Variants in ITGA6 observed in about 807,000 individuals in gnomAD.
The protein encoded by ITGA6 is integrin subunit alpha 6.
In ITGA6, 63 loss-of-function variants were observed where a neutral mutation model predicts 133.6. That is an observed-to-expected ratio of 0.47 (90% confidence interval 0.38 to 0.58). The LOEUF is 0.58. Among genes scored for constraint, ITGA6 ranks in the 20% least tolerant of loss-of-function variants. The pLI is 0.00. For synonymous variants in ITGA6, 434 were observed against 482.0 expected, an observed-to-expected ratio of 0.90 and a Z score of 1.30; for missense variants, 1,068 against 1,309.4, an observed-to-expected ratio of 0.82 and a Z score of 2.85.
Position 172,491,540 on chromosome 2 carries a change from C to T in ITGA6, c.2988+17C>T. 1 of 1,539,956 alleles carries T rather than the reference C, an allele frequency of 6.5e-7. No homozygotes were observed. The highest frequency in any genetic ancestry group is 9.0e-7 in the Non-Finnish European group (1 of 1,113,396). On this transcript the variant is annotated intron_variant, in intron 23 of 25. Coordinates refer to ENST00000684293, the MANE Select transcript of ITGA6 (RefSeq NM_000210.4). This position sits in a 1 kb window ranked among gnomAD's most constrained non-coding sequence, Gnocchi z 4.4. Reference sequence around the variant, plus strand: ...GGCACTCAGGTGAGAGGTTCCCCAGCTTCATTCAGGTTCAGAACATGTCTC... The same window carrying T: ...GGCACTCAGGTGAGAGGTTCCCCAGTTTCATTCAGGTTCAGAACATGTCTC...
intron 19 of ITGA6, 29 bp from the exon 20 acceptor site, chr2:172,489,456 C>T (rs1309164032): frequency 6.5e-7 from 1 of 1,538,884 alleles, no homozygotes; most frequent in Non-Finnish European, 9.0e-7. Context: ...GAAGATTAGA[C>T]TGAGATAATA....
At position 172,485,124 on chromosome 2, in the gene ITGA6, A is replaced by G. The variant is rs1389261715; in HGVS notation, c.1714A>G (p.Asn572Asp). ...TGACTGCATGCTTTTCATGCAGGAT[A>G]ATATCAGAGATAAACTGCGTCCCAT... ...CMEETLWLQD[N>D]IRDKLRPIPI... Residue 572 changes from asparagine to aspartate, a missense_variant, in exon 13 of 26, where the codon AAT (asparagine) becomes GAT (aspartate). This residue lies in a region of ITGA6 where 609 missense variants were observed against 707.2 expected (regional missense o/e 0.86). Transcript: ENST00000684293. 1 of 1,614,026 alleles carries G rather than the reference A, an allele frequency of 6.2e-7. No individual in the cohort carries two copies. Among genetic ancestry groups the G allele is most frequent in the African/African-American group, 1.3e-5 (1 of 75,056 alleles).
intron 1 of ITGA6, 30 bp downstream of exon 1, chr2:172,428,000 TG>T (rs1559107407): frequency 6.3e-7 from 1 of 1,578,862 alleles, no homozygotes; most frequent in South Asian, 1.1e-5. Context: ...CCACCCCCAC[TG>T]GGGCGCCGGC....
At position 172,469,361 on chromosome 2, in the gene ITGA6, G is replaced by A. The variant is rs1685817276; in HGVS notation, c.624G>A (p.Pro208=). 9 of 1,613,810 alleles carry A rather than the reference G, an allele frequency of 5.6e-6. No homozygotes were observed. Among genetic ancestry groups the A allele is most frequent in the Non-Finnish European group, 5.9e-6 (7 of 1,179,792 alleles). The part of the protein sequence containing the change: ...KDFHYIVFGA[P]GTYNWKGIVR... Reference sequence around the variant, plus strand: ...TTCATTACATTGTATTTGGAGCCCCGGGTACTTATAACTGGAAAGGTATGA... The same window carrying A: ...TTCATTACATTGTATTTGGAGCCCCAGGTACTTATAACTGGAAAGGTATGA... The change falls in exon 4 of 26, where the codon CCG becomes CCA. Residue 208 remains proline (P), a synonymous_variant. Coordinates refer to ENST00000684293, the MANE Select transcript of ITGA6 (RefSeq NM_000210.4).
chr2:172,476,406 T>C lies in ITGA6; in HGVS notation c.1281T>C (p.Gly427=). ...INTKPTQVLK[G]ISPYFGYSIA... is the part of the protein sequence containing the mutation. ...CCTGTGTATTTCAGGTTCTCAAGGG[T>C]ATATCACCTTATTTTGGATATTCAA... Residue 427 remains glycine (G), a synonymous_variant, in exon 9 of 26, where the codon GGT becomes GGC. Transcript: ENST00000684293. 6 of 1,586,616 alleles carry C rather than the reference T, an allele frequency of 3.8e-6. No homozygotes were observed. Among genetic ancestry groups the C allele is most frequent in the Admixed American group, 1.7e-5 (1 of 60,004 alleles).
Position 172,475,205 on chromosome 2 carries a change from C to T in ITGA6, c.1180+83C>T, listed in dbSNP as rs564464621. The T allele has an allele frequency of 1.1e-4, 106 of 967,080 alleles. No individual in the cohort carries two copies. In the Middle Eastern group the frequency reaches 2.5e-3, roughly 23 times the overall value. 59.9% of individuals were successfully genotyped at this position (967,080 alleles called of 1,614,324 possible). Reference sequence around the variant, plus strand: ...TAGCGCTGCTGGGCACAGTGGCTCACGCCTGTAATCCCAGCACTTTGGGAG... The same window carrying T: ...TAGCGCTGCTGGGCACAGTGGCTCATGCCTGTAATCCCAGCACTTTGGGAG... On this transcript the variant is annotated intron_variant, in intron 7 of 25. Coordinates refer to ENST00000684293, the MANE Select transcript of ITGA6 (RefSeq NM_000210.4).
intron 5 of ITGA6, among the ~76,000 whole-genome samples, chr2:172,473,436 CT>C (rs751448720): frequency 1.3e-5 from 2 of 152,166 alleles, no homozygotes; most frequent in African/African-American, 4.8e-5. Flanking sequence ...ATTGTTTTGT[CT>C]GCATGTTTGT....
chr2:172,503,137 G>A (rs16860632), intron 25 of ITGA6, among the ~76,000 whole-genome samples: 2,286 of 151,838 alleles, frequency 0.015, 48 homozygotes, highest in African/African-American at 0.051. Context: ...TACTATTGAC[G>A]TCACACAATA....
chr2:172,430,095 C>T (rs1047419528), intron 1 of ITGA6, among the ~76,000 whole-genome samples: 7 of 152,204 alleles, frequency 4.6e-5, no homozygotes, highest in African/African-American at 7.2e-5. Context: ...GATTCCTTCT[C>T]GGCCTTTTAT....
chr2:172,477,400 A>G (rs552417018), intron 9 of ITGA6, among the ~76,000 whole-genome samples: 1 of 152,140 alleles, frequency 6.6e-6, no homozygotes, highest in Non-Finnish European at 1.5e-5. Flanking sequence ...TATTTTTTTT[A>G]AAGTTAATAA....
At chr2:172,494,408 T>A (rs548084737) in intron 23 of ITGA6, among the ~76,000 whole-genome samples, 1 of 152,282 alleles carries the variant, frequency 6.6e-6, no homozygotes, top group Admixed American at 6.5e-5. Context: ...CCTGGGAGGC[T>A]GAGCTGAGAG....
At chr2:172,435,059 T>TGTGTG (rs1684260772) in intron 1 of ITGA6, among the ~76,000 whole-genome samples, 1 of 136,734 alleles carries the variant, frequency 7.3e-6, no homozygotes, top group East Asian at 2.0e-4. Context: ...TGTGTGTGTG[T>TGTGTG]ATGATGCAAA....
chr2:172,427,550 G>C (rs1229960931), upstream of ITGA6: 4 of 1,193,994 alleles, frequency 3.4e-6, no homozygotes, highest in Admixed American at 4.6e-5. Flanking sequence ...CGGCGTCCTC[G>C]TCACTTGATA....
chr2:172,470,158 C>G (rs1685858847), intron 4 of ITGA6, among the ~76,000 whole-genome samples: 1 of 152,064 alleles, frequency 6.6e-6, no homozygotes, highest in East Asian at 1.9e-4. Flanking sequence ...AAAATGGTCC[C>G]TTTTCCATTC....
chr2:172,504,203 A>C lies in ITGA6; in HGVS notation c.*135A>C. On this transcript the variant is annotated 3_prime_UTR_variant, in exon 26 of 26. Coordinates refer to ENST00000684293, the MANE Select transcript of ITGA6 (RefSeq NM_000210.4). ...GATGAAAAGTATATTGATAACCTTG[A>C]AAAAAAACAGTGGATCACAAAGTGG... 6.3e-7 allele frequency: 1 copy of C among 1,586,390 alleles called. No homozygotes were observed. The highest frequency in any genetic ancestry group is 8.6e-7 in the Non-Finnish European group (1 of 1,165,292).
chr2:172,468,976 T>G, intron 3 of ITGA6, 149 bp from the exon 4 acceptor site: 4 of 793,290 alleles, frequency 5.0e-6, no homozygotes, highest in Non-Finnish European at 8.5e-6. Context: ...GGGGAATATT[T>G]GCTGGTCTGG....
At chr2:172,476,365 A>G (rs1559141222) in intron 8 of ITGA6, 30 bp from the exon 9 acceptor site, 4 of 1,127,330 alleles carry the variant, frequency 3.5e-6, no homozygotes, top group Non-Finnish European at 4.1e-6. Context: ...TGATAACCTA[A>G]TGTCCATTCG....
chr2:172,494,867 G>A (rs769984144), intron 23 of ITGA6, among the ~76,000 whole-genome samples: 7 of 152,136 alleles, frequency 4.6e-5, no homozygotes, highest in Admixed American at 1.3e-4. Context: ...CAAGCTTCCT[G>A]GCTGTCAAAA....
intron 23 of ITGA6, among the ~76,000 whole-genome samples, chr2:172,496,707 C>A (rs546725213): frequency 6.6e-6 from 1 of 152,280 alleles, no homozygotes; most frequent in South Asian, 2.1e-4. Flanking sequence ...ACCAGTGGAT[C>A]TCTAATCAGT....
Sources: gnomAD v4.1 joint callset for allele counts (sites outside exome capture counted in the v4.1 genomes callset) on GRCh38, gnomAD v4.1.1 for gene constraint, gnomAD v4.1.1 regional missense constraint, Gnocchi (gnomAD v3.1) non-coding constraint, MANE v1.5 for transcripts, NCBI Gene and HGNC (gene_info 2026-07-23, HGNC 2026-07-21) for gene names.